The following MC2R variants were observed in gnomAD, a reference collection of about 807,000 sequenced individuals.
MC2R encodes the protein melanocortin 2 receptor.
In MC2R, 9 loss-of-function variants were observed where a neutral mutation model predicts 9.8. That is an observed-to-expected ratio of 0.92 (90% confidence interval 0.55 to 1.60). The LOEUF is 1.60. MC2R is among the 40% of genes most tolerant of loss of function. MC2R has a pLI of 0.00. For synonymous variants in MC2R, 185 were observed against 154.7 expected (o/e 1.20, Z -1.45); for missense variants, 370 against 389.0 (o/e 0.95, Z 0.41).
chr18:13,884,684 G>T lies in MC2R; in HGVS notation c.835C>A (p.Arg279=). Residue 279 remains arginine, a synonymous_variant, in exon 2 of 2, where the codon CGG becomes AGG. Transcript: ENST00000327606. ...AATGCGTCCCTGAGCTCTGGGCTCC[G>T]GAAGGCATATATGAAGGGGTCAATG... The part of the protein sequence containing the change: ...AVIDPFIYAF[R]SPELRDAFKK... The T allele has an allele frequency of 6.2e-7, 1 of 1,614,046 alleles. No homozygotes were observed. The highest frequency in any genetic ancestry group is 8.5e-7 in the Non-Finnish European group (1 of 1,180,032).
rs1369883537 is a variant in MC2R at position 13,883,620 on chromosome 18, CACACACA to C, written c.*998_*1004del. 1.5e-5 allele frequency: 1 copy of C among 64,648 alleles called. No individual in the cohort carries two copies. The highest frequency in any genetic ancestry group is 3.5e-5 in the Non-Finnish European group (1 of 28,346). The allele number at this position is 64,648 out of a possible 1,614,324, so 4.0% of individuals were successfully genotyped here. ...ACACACACACACACACACACACACACACACACACTCTCTCTCTCTCTCTCTCTCTCTC... is the reference window on the plus strand; with the variant it reads ...ACACACACACACACACACACACACACCTCTCTCTCTCTCTCTCTCTCTCTC... On this transcript the variant is annotated 3_prime_UTR_variant, in exon 2 of 2. Transcript: ENST00000327606.
At chr18:13,905,484 A>G (rs376418477) in intron 1 of MC2R, among the ~76,000 whole-genome samples, 2 of 56,274 alleles carry the variant, frequency 3.6e-5, no homozygotes, top group African/African-American at 1.9e-4. Context: ...GACTCCCTCT[A>G]AAAAAAAAAA....
chr18:13,891,010 T>G (rs1409394930), intron 1 of MC2R, among the ~76,000 whole-genome samples: 2 of 152,166 alleles, frequency 1.3e-5, no homozygotes, highest in African/African-American at 4.8e-5. Flanking sequence ...AGCACAGTTC[T>G]GAGAACATTT....
At chr18:13,915,594 G>A (rs75068805), upstream of MC2R, 225 of 152,984 alleles carry the variant, frequency 1.5e-3, 7 homozygotes, top group East Asian at 0.038. Flanking sequence ...CGGAACACAT[G>A]CATCACCGGA....
At chr18:13,890,306 G>A (rs904792654) in intron 1 of MC2R, among the ~76,000 whole-genome samples, 5 of 152,204 alleles carry the variant, frequency 3.3e-5, no homozygotes, top group African/African-American at 9.6e-5. Context: ...CTGAAGATAA[G>A]TTAGCAACAC....
chr18:13,885,648 T>A lies in MC2R; in HGVS notation c.-128-2A>T. ...TCTAAGTTAAAATCTCCCAATCACC[T>A]AAAAGGGAGTATACAGAAATATTAG... On this transcript the variant is annotated splice_acceptor_variant, in intron 1 of 1. Coordinates refer to ENST00000327606, the MANE Select transcript of MC2R (RefSeq NM_000529.2). LOFTEE classifies it low-confidence loss of function (5UTR_SPLICE). The A allele has an allele frequency of 9.9e-7, 1 of 1,008,616 alleles. No individual in the cohort carries two copies. Among genetic ancestry groups the A allele is most frequent in the Non-Finnish European group, 1.5e-6 (1 of 663,444 alleles). The allele number at this position is 1,008,616 out of a possible 1,614,324, so 62.5% of individuals were successfully genotyped here.
In MC2R at chr18:13,915,478, A is replaced by G. The variant is rs750975919; in HGVS notation, c.-129+10T>C. The G allele has an allele frequency of 1.4e-4, 21 of 152,780 alleles. No homozygotes were observed. Among genetic ancestry groups the G allele is most frequent in the Non-Finnish European group, 1.9e-4 (13 of 68,120 alleles). The allele number at this position is 152,780 out of a possible 1,614,324, so 9.5% of individuals were successfully genotyped here. ...TAGCAAGCTGAGGAATTAGTGGAAA[A>G]TGTACTTACCTTCAGCTCTGAAGCA... On this transcript the variant is annotated intron_variant, in intron 1 of 1. Coordinates refer to ENST00000327606, the MANE Select transcript of MC2R (RefSeq NM_000529.2).
intron 1 of MC2R, among the ~76,000 whole-genome samples, chr18:13,909,712 C>A (rs1272451879): frequency 2.0e-5 from 3 of 152,184 alleles, no homozygotes; most frequent in Non-Finnish European, 2.9e-5. Context: ...GCACCTGTGT[C>A]CTGTGCCAGA....
At chr18:13,913,286 C>T (rs1317541568) in intron 1 of MC2R, among the ~76,000 whole-genome samples, 3 of 152,200 alleles carry the variant, frequency 2.0e-5, no homozygotes, top group Non-Finnish European at 4.4e-5. Context: ...CTGAGCTTCA[C>T]TGCTCATGGC....
At chr18:13,904,019 G>C (rs766161521) in intron 1 of MC2R, among the ~76,000 whole-genome samples, 7 of 151,550 alleles carry the variant, frequency 4.6e-5, no homozygotes, top group Non-Finnish European at 1.0e-4. Flanking sequence ...ACAGATGTCT[G>C]CTTGTATTTT....
At chr18:13,892,161 C>T (rs775233891) in intron 1 of MC2R, among the ~76,000 whole-genome samples, 17 of 152,154 alleles carry the variant, frequency 1.1e-4, no homozygotes, top group Non-Finnish European at 2.2e-4. Flanking sequence ...ATGGATGACT[C>T]CCTCTCGCTG....
intron 1 of MC2R, among the ~76,000 whole-genome samples, chr18:13,892,246 C>G (rs1400820053): frequency 6.6e-6 from 1 of 152,010 alleles, no homozygotes; most frequent in African/African-American, 2.4e-5. Flanking sequence ...TGAAGGTGGT[C>G]TGAATGTTGA....
intron 1 of MC2R, among the ~76,000 whole-genome samples, chr18:13,889,670 T>C (rs939314003): frequency 1.3e-5 from 2 of 152,160 alleles, no homozygotes; most frequent in African/African-American, 4.8e-5. Context: ...GATTTTTATA[T>C]TGATCATCAT....
At chr18:13,892,867 C>T (rs1435184593) in intron 1 of MC2R, among the ~76,000 whole-genome samples, 2 of 151,892 alleles carry the variant, frequency 1.3e-5, no homozygotes, top group Non-Finnish European at 2.9e-5. Flanking sequence ...ACATCTGTTG[C>T]CCAGGCTGGA....
intron 1 of MC2R, among the ~76,000 whole-genome samples, chr18:13,907,090 T>C (rs918149617): frequency 6.6e-6 from 1 of 152,024 alleles, no homozygotes. Context: ...AAGAGCAAAG[T>C]TGGAGGAATC....
chr18:13,910,915 C>T (rs1333315575), intron 1 of MC2R, among the ~76,000 whole-genome samples: 1 of 152,240 alleles, frequency 6.6e-6, no homozygotes, highest in Non-Finnish European at 1.5e-5. Context: ...CACCAGTCAC[C>T]ACCCCATCAT....
chr18:13,915,042 T>C (rs1418615147), intron 1 of MC2R, among the ~76,000 whole-genome samples: 2 of 152,218 alleles, frequency 1.3e-5, no homozygotes, highest in African/African-American at 4.8e-5. Context: ...CACCAATGCC[T>C]GAGGTTCAGG....
chr18:13,915,593 T>G (rs1443035815), upstream of MC2R: 2 of 152,862 alleles, frequency 1.3e-5, no homozygotes, highest in Non-Finnish European at 1.5e-5. Flanking sequence ...CCGGAACACA[T>G]GCATCACCGG....
intron 1 of MC2R, among the ~76,000 whole-genome samples, chr18:13,902,426 C>A (rs1264312710): frequency 2.0e-5 from 3 of 152,112 alleles, no homozygotes; most frequent in Non-Finnish European, 4.4e-5. Context: ...AATCACATTA[C>A]CTGACTTCAC....
Sources: allele counts gnomAD v4.1 joint callset (sites outside exome capture counted in the v4.1 genomes callset), GRCh38; gene constraint gnomAD v4.1.1; transcripts MANE v1.5; gene names NCBI Gene and HGNC (gene_info 2026-07-23, HGNC 2026-07-21).